The following SPATA13 variants were observed in gnomAD, a reference collection of about 807,000 sequenced individuals.
SPATA13 encodes spermatogenesis-associated protein 13.
SPATA13 carries 50 observed loss-of-function variants against 104.0 expected under a neutral mutation model. The observed-to-expected ratio is 0.48, with a 90% CI of 0.38 to 0.61. The LOEUF (loss-of-function observed/expected upper bound fraction) is 0.61, where lower values mean the gene tolerates loss of function less well. Among genes scored for constraint, SPATA13 ranks in the 20% least tolerant of loss-of-function variants. The pLI is 0.00. For missense variants in SPATA13, 1,524 were observed against 1,690.6 expected (o/e 0.90, Z 1.73); for synonymous variants, 606 against 667.5 (o/e 0.91, Z 1.42).
Position 24,287,550 on chromosome 13 carries a change from C to T in SPATA13, c.2667+600C>T, listed in dbSNP as rs116502291. 1.1e-3 allele frequency among the ~76,000 whole-genome samples: 174 copies of T among 152,342 alleles called. 2 individuals carry two copies. The highest frequency in any genetic ancestry group is 3.8e-3 in the African/African-American group (159 of 41,576). On this transcript the variant is annotated intron_variant, in intron 7 of 12. Transcript: ENST00000382108. ...AGAATGGCTTTCATAGAAGGCAACA[C>T]CCTCACTTGATTTTACAAAGAGTCA... is the stretch of plus-strand genomic sequence containing the variant.
chr13:24,226,711 G>A (rs943376766), intron 2 of SPATA13, among the ~76,000 whole-genome samples: 1 of 152,176 alleles, frequency 6.6e-6, no homozygotes, highest in Non-Finnish European at 1.5e-5. Context: ...CCTCAGTTTT[G>A]TCTTAGCACC....
rs758310897 is a variant in SPATA13 at position 24,297,690 on chromosome 13, G to T, written c.3538G>T (p.Ala1180Ser). 6 of 1,614,046 alleles carry T rather than the reference G, an allele frequency of 3.7e-6. No individual in the cohort carries two copies. Among genetic ancestry groups the T allele is most frequent in the African/African-American group, 1.3e-5 (1 of 74,946 alleles). The change falls in exon 11 of 13, where the codon GCC (alanine) becomes TCC (serine). Residue 1180 changes from alanine to serine, a missense_variant. Physicochemically the swap from Ala to Ser is moderately conservative, Grantham distance 99. Transcript: ENST00000382108. ...KQEDKARWLQACADERRRVQE... is the reference protein window; with the variant it reads ...KQEDKARWLQSCADERRRVQE... ...AGAAGACAAGGCGAGGTGGCTGCAG[G>T]CCTGTGCAGATGAAAGGAGGCGGGT... is the stretch of plus-strand genomic sequence containing the variant.
chr13:24,270,720 CA>C, intron 4 of SPATA13: 2 of 1,523,850 alleles, frequency 1.3e-6, no homozygotes, highest in South Asian at 1.2e-5. Flanking sequence ...GGAACGCATA[CA>C]ACGTCAAAGC....
rs1311126595 is a variant in SPATA13, at chr13:24,304,952, C to G, written c.*2179C>G. ...ATACAATGATATATGTTGGAAACTACTTAATATGCTTTTCCTGCACACCTT... is the reference window on the plus strand; with the variant it reads ...ATACAATGATATATGTTGGAAACTAGTTAATATGCTTTTCCTGCACACCTT... On this transcript the variant is annotated 3_prime_UTR_variant, in exon 13 of 13. Coordinates refer to ENST00000382108, the MANE Select transcript of SPATA13 (RefSeq NM_001166271.3). The G allele has an allele frequency of 6.6e-6, 1 of 152,254 alleles. No individual in the cohort carries two copies. Among genetic ancestry groups the G allele is most frequent in the Non-Finnish European group, 1.5e-5 (1 of 68,048 alleles). The allele number at this position is 152,254 out of a possible 1,614,324, so 9.4% of individuals were successfully genotyped here.
intron 3 of SPATA13, among the ~76,000 whole-genome samples, chr13:24,103,137 T>C (rs61945506): frequency 0.4 from 60,956 of 151,982 alleles, 12,389 homozygotes; most frequent in Non-Finnish European, 0.41. Context: ...AAGAATCTCA[T>C]GAACTTCACT....
In SPATA13 at chr13:24,303,571, G is replaced by C. The variant is rs763513038; in HGVS notation, c.*798G>C. 1 of 155,252 alleles carries C rather than the reference G, an allele frequency of 6.4e-6. No homozygotes were observed. The highest frequency in any genetic ancestry group is 2.4e-5 in the African/African-American group (1 of 41,494). The allele number at this position is 155,252 out of a possible 1,614,324, so 9.6% of individuals were successfully genotyped here. A position where few individuals can be genotyped will look rare whatever the true frequency, so the allele number is the denominator to read the frequency against. On this transcript the variant is annotated 3_prime_UTR_variant, in exon 13 of 13. Transcript: ENST00000382108. ...CTGCCTGCACGCCTTCAGTAACTCC[G>C]AGCAGAAATCACATCTTGCCCACAT...
intron 1 of SPATA13, among the ~76,000 whole-genome samples, chr13:24,178,951 A>G (rs1286748363): frequency 6.6e-6 from 1 of 152,182 alleles, no homozygotes; most frequent in Admixed American, 6.5e-5. Flanking sequence ...TCAAGTCCCC[A>G]GCCCTAGACA....
intron 2 of SPATA13, among the ~76,000 whole-genome samples, chr13:24,014,575 ATATT>A (rs1876624941): frequency 6.6e-6 from 1 of 152,222 alleles, no homozygotes; most frequent in Non-Finnish European, 1.5e-5. Context: ...AAGAGAAAAT[ATATT>A]TATTCATTAA....
rs1011422264 is a variant in SPATA13 at position 24,017,809 on chromosome 13, A to G, written c.-112+108A>G. 9.2e-6 allele frequency: 5 copies of G among 542,254 alleles called. 1 individual carries two copies. Among genetic ancestry groups the G allele is most frequent in the Middle Eastern group, 9.1e-4 (1 of 1,094 alleles). 33.6% of individuals were successfully genotyped at this position (542,254 alleles called of 1,614,324 possible). A position where few individuals can be genotyped will look rare whatever the true frequency, so the allele number is the denominator to read the frequency against. ...AATCTGTATGTTAACTCCGTAATCC[A>G]TATGTTACCTCTGTAACATACTGTT... On this transcript the variant is annotated intron_variant, in intron 3 of 14. Coordinates refer to the SPATA13 transcript ENST00000424834.
chr13:24,014,946 A>C (rs1015523807), intron 2 of SPATA13, among the ~76,000 whole-genome samples: 3 of 132,442 alleles, frequency 2.3e-5, no homozygotes, highest in African/African-American at 8.7e-5. Flanking sequence ...GCTGGAGTGC[A>C]GTGGCGCTAT....
At chr13:24,009,191 C>T (rs904008892) in intron 2 of SPATA13, among the ~76,000 whole-genome samples, 2 of 152,334 alleles carry the variant, frequency 1.3e-5, no homozygotes, top group South Asian at 4.1e-4. Context: ...TTCAGTGCAT[C>T]CCAGACATCA....
rs990286211 is a variant in SPATA13 at position 24,051,298 on chromosome 13, C to T, written c.-112+33597C>T. Among the ~76,000 whole-genome samples, 1 of 152,164 alleles carries T rather than the reference C, an allele frequency of 6.6e-6. No homozygotes were observed. Among genetic ancestry groups the T allele is most frequent in the East Asian group, 1.9e-4 (1 of 5,192 alleles). On this transcript the variant is annotated intron_variant, in intron 3 of 14. Transcript: ENST00000424834. This position sits in a 1 kb window ranked among gnomAD's most constrained non-coding sequence, Gnocchi z 4.2. ...ACGTTGGACATGCTGTGCCTGCAGCCGGCAGGACTTCCTGGTCCTGGCATT... is the reference window on the plus strand; with the variant it reads ...ACGTTGGACATGCTGTGCCTGCAGCTGGCAGGACTTCCTGGTCCTGGCATT...
intron 2 of SPATA13, among the ~76,000 whole-genome samples, chr13:24,000,922 G>C (rs148718787): frequency 6.6e-6 from 1 of 152,276 alleles, no homozygotes; most frequent in African/African-American, 2.4e-5. Context: ...CTGGGTCAGA[G>C]GTGTGAATTT....
At chr13:24,251,322 T>G (rs1454043439) in intron 3 of SPATA13, among the ~76,000 whole-genome samples, 1 of 152,218 alleles carries the variant, frequency 6.6e-6, no homozygotes, top group Non-Finnish European at 1.5e-5. Context: ...GCCGGGTTTG[T>G]GGCCTTGTCC....
At chr13:24,130,792 A>G (rs9551068) in intron 3 of SPATA13, among the ~76,000 whole-genome samples, 86,429 of 151,346 alleles carry the variant, frequency 0.57, 24,899 homozygotes, top group African/African-American at 0.62. Flanking sequence ...ATTTTCCTGG[A>G]CCTAAATAAG....
intron 2 of SPATA13, among the ~76,000 whole-genome samples, chr13:24,008,809 C>G (rs114434037): frequency 6.3e-4 from 96 of 152,250 alleles, no homozygotes; most frequent in African/African-American, 2.3e-3. Context: ...GGCTCTCAGG[C>G]CTATCTTCTG....
chr13:24,176,925 A>G (rs552518656), intron 1 of SPATA13, among the ~76,000 whole-genome samples: 1 of 152,144 alleles, frequency 6.6e-6, no homozygotes, highest in East Asian at 1.9e-4. Flanking sequence ...CACCACGCGC[A>G]GCTTATTTTT....
intron 3 of SPATA13, among the ~76,000 whole-genome samples, chr13:24,068,293 A>G (rs959752246): frequency 7.2e-5 from 11 of 152,276 alleles, no homozygotes; most frequent in African/African-American, 2.6e-4. Flanking sequence ...TGCTAAGGAT[A>G]ATGACCTCCC....
intron 1 of SPATA13, among the ~76,000 whole-genome samples, chr13:24,179,650 T>G (rs1393251393): frequency 6.6e-6 from 1 of 152,204 alleles, no homozygotes; most frequent in Non-Finnish European, 1.5e-5. Flanking sequence ...TTTTACTTTC[T>G]GTTTCCGTGT....
Sources: allele counts gnomAD v4.1 joint callset (sites outside exome capture counted in the v4.1 genomes callset), GRCh38; gene constraint gnomAD v4.1.1; non-coding constraint Gnocchi (gnomAD v3.1); transcripts MANE v1.5; gene names NCBI Gene and HGNC (gene_info 2026-07-23, HGNC 2026-07-21).